The following ASPRV1 variants were observed in gnomAD, a reference collection of about 807,000 sequenced individuals.
ASPRV1 encodes the protein aspartic peptidase retroviral like 1.
A neutral mutation model predicts 11.0 loss-of-function variants in ASPRV1; 7 were observed. That is an observed-to-expected ratio of 0.64 (90% CI 0.36 to 1.20). The LOEUF is 1.20. ASPRV1 is among the 50% of genes most tolerant of loss of function. The pLI is 0.02. For missense variants in ASPRV1, 299 were observed against 320.0 expected (o/e 0.93, Z 0.50); for synonymous variants, 136 against 138.4 (o/e 0.98, Z 0.12).
chr2:70,078,148 C>T, the ASPRV1 span, among the ~76,000 whole-genome samples: 1 of 152,278 alleles, frequency 6.6e-6, no homozygotes, highest in African/African-American at 2.4e-5. Context: ...CAGAGCAAGA[C>T]TCTGTTTCAA....
At chr2:69,984,508 A>G in the ASPRV1 span, among the ~76,000 whole-genome samples, 1 of 152,040 alleles carries the variant, frequency 6.6e-6, no homozygotes, top group African/African-American at 2.4e-5. Flanking sequence ...ACATTAATCT[A>G]ATCTAATTCT....
chr2:70,013,526 G>A, the ASPRV1 span, among the ~76,000 whole-genome samples: 13 of 152,150 alleles, frequency 8.5e-5, no homozygotes, highest in East Asian at 1.9e-4. Flanking sequence ...AAAGAGAGTT[G>A]CAAAACTATA....
the ASPRV1 span, among the ~76,000 whole-genome samples, chr2:70,036,073 TTCATTTC>T: frequency 2.6e-5 from 4 of 151,506 alleles, no homozygotes; most frequent in Non-Finnish European, 4.4e-5. Flanking sequence ...AGCCTCAAAG[TTCATTTC>T]TCATTTCTCC....
the ASPRV1 span, among the ~76,000 whole-genome samples, chr2:70,036,748 G>C: frequency 6.6e-6 from 1 of 152,150 alleles, no homozygotes; most frequent in African/African-American, 2.4e-5. Context: ...GCTCACTGCA[G>C]CCTCGAACTC....
chr2:70,062,499 A>G, the ASPRV1 span, among the ~76,000 whole-genome samples: 1 of 152,134 alleles, frequency 6.6e-6, no homozygotes, highest in Non-Finnish European at 1.5e-5. Context: ...GGTAATTCTG[A>G]TGCACTAAAG....
the ASPRV1 span, among the ~76,000 whole-genome samples, chr2:70,040,834 A>AAAACTAAACT: frequency 1.3e-4 from 20 of 152,316 alleles, no homozygotes; most frequent in African/African-American, 4.6e-4. Flanking sequence ...ACTCCGACTC[A>AAAACTAAACT]AAACTAAACT....
the ASPRV1 span, among the ~76,000 whole-genome samples, chr2:70,044,831 T>G: frequency 6.6e-6 from 1 of 152,156 alleles, no homozygotes; most frequent in Admixed American, 6.5e-5. Flanking sequence ...CTCCAGTACA[T>G]GCAGTGAGGA....
chr2:70,014,707 G>C, the ASPRV1 span: 1 of 150,750 alleles, frequency 6.6e-6, no homozygotes, highest in Non-Finnish European at 1.5e-5. Flanking sequence ...GGCTGAGGTG[G>C]GAGCATCCCT....
chr2:69,941,369 T>C, the ASPRV1 span: 1 of 152,216 alleles, frequency 6.6e-6, no homozygotes, highest in Non-Finnish European at 1.5e-5. Context: ...GCAGAGATCT[T>C]GAATTCTTCA....
Position 69,960,652 on chromosome 2 carries a change from G to C in ASPRV1, c.*5C>G, listed in dbSNP as rs775831047. ...TATTTAGGAGGTTAAAGAAAAGGTG[G>C]CTTCTCAGTGGGATAGCTCCTGCCG... On this transcript the variant is annotated 3_prime_UTR_variant, in exon 1 of 1. Transcript: ENST00000320256. The C allele has an allele frequency of 5.6e-6, 9 of 1,603,950 alleles. No individual in the cohort carries two copies. Among genetic ancestry groups the C allele is most frequent in the Non-Finnish European group, 7.7e-6 (9 of 1,175,550 alleles).
chr2:70,054,004 A>C, the ASPRV1 span: 1 of 152,288 alleles, frequency 6.6e-6, no homozygotes, highest in African/African-American at 2.4e-5. Flanking sequence ...CCTAATAGGG[A>C]AAACAAAATC....
the ASPRV1 span, among the ~76,000 whole-genome samples, chr2:70,078,258 A>G: frequency 3.9e-5 from 6 of 152,340 alleles, no homozygotes; most frequent in South Asian, 1.0e-3. Context: ...AGTCCTAACC[A>G]TCATGAAATT....
chr2:69,965,102 C>T (rs1678291313), upstream of ASPRV1, among the ~76,000 whole-genome samples: 2 of 152,182 alleles, frequency 1.3e-5, no homozygotes, highest in East Asian at 3.8e-4. Flanking sequence ...GGCTGGAGTG[C>T]AGTGGCGTGA....
chr2:69,996,768 C>T, the ASPRV1 span: 2 of 456,370 alleles, frequency 4.4e-6, no homozygotes, highest in Non-Finnish European at 8.8e-6. Flanking sequence ...GTCTGTGTGA[C>T]ACATGGGGGC....
At chr2:70,052,651 C>T in the ASPRV1 span, among the ~76,000 whole-genome samples, 1 of 152,238 alleles carries the variant, frequency 6.6e-6, no homozygotes, top group Non-Finnish European at 1.5e-5. Context: ...CTAATCCTTT[C>T]TCTCTTCTTC....
At chr2:69,965,233 T>C (rs1450486831), upstream of ASPRV1, among the ~76,000 whole-genome samples, 1 of 151,984 alleles carries the variant, frequency 6.6e-6, no homozygotes, top group African/African-American at 2.4e-5. Flanking sequence ...TAAAGACAGG[T>C]TTCACCGTGT....
chr2:70,078,182 T>C, the ASPRV1 span, among the ~76,000 whole-genome samples: 6 of 152,290 alleles, frequency 3.9e-5, no homozygotes, highest in African/African-American at 1.4e-4. Flanking sequence ...TAAATAAATT[T>C]ATTCATTCAG....
chr2:69,952,740 C>T, the ASPRV1 span, among the ~76,000 whole-genome samples: 1 of 152,062 alleles, frequency 6.6e-6, no homozygotes, highest in Non-Finnish European at 1.5e-5. Context: ...AGCCTCTGAC[C>T]TTTACTCACT....
chr2:70,040,373 CTTTAT>C, the ASPRV1 span, among the ~76,000 whole-genome samples: 2 of 152,044 alleles, frequency 1.3e-5, no homozygotes, highest in Non-Finnish European at 2.9e-5. Flanking sequence ...GACTTTGTCT[CTTTAT>C]TTATTTTTTA....
Sources: gnomAD v4.1 joint callset for allele counts (sites outside exome capture counted in the v4.1 genomes callset) on GRCh38, gnomAD v4.1.1 for gene constraint, MANE v1.5 for transcripts, NCBI Gene and HGNC (gene_info 2026-07-23, HGNC 2026-07-21) for gene names.